The following CCSER1 variants were observed in gnomAD, a reference collection of about 807,000 sequenced individuals.
The protein encoded by CCSER1 is serine-rich coiled-coil domain-containing protein 1.
In CCSER1, 41 loss-of-function variants were observed where a neutral mutation model predicts 82.0. The ratio of observed to expected loss-of-function variants is 0.50; its 90% CI spans 0.39 to 0.65. The LOEUF (loss-of-function observed/expected upper bound fraction) is 0.65, where lower values mean the gene tolerates loss of function less well. Among genes scored for constraint, CCSER1 ranks in the 30% least tolerant of loss-of-function variants. The pLI is 0.00. For synonymous variants in CCSER1, 414 were observed against 383.9 expected, an observed-to-expected ratio of 1.08 and a Z score of -0.92; for missense variants, 1,119 against 1,064.2, an observed-to-expected ratio of 1.05 and a Z score of -0.72.
chr4:91,341,863 G>A (rs1578225527), intron 10 of CCSER1, among the ~76,000 whole-genome samples: 1 of 152,088 alleles, frequency 6.6e-6, no homozygotes, highest in African/African-American at 2.4e-5. Context: ...GTTATTTAGT[G>A]CATTTCTTTT....
intron 1 of CCSER1, among the ~76,000 whole-genome samples, chr4:90,195,344 G>A (rs1736408443): frequency 6.6e-6 from 1 of 151,998 alleles, no homozygotes; most frequent in Admixed American, 6.6e-5. Flanking sequence ...AGTGAAAAAA[G>A]CTAATCTGGA....
At chr4:91,364,132 CTATTAG>C (rs1462397141) in intron 10 of CCSER1, among the ~76,000 whole-genome samples, 2 of 152,024 alleles carry the variant, frequency 1.3e-5, no homozygotes, top group African/African-American at 4.8e-5. Flanking sequence ...GGCAAAACAG[CTATTAG>C]TATTAAGTCT....
intron 10 of CCSER1, among the ~76,000 whole-genome samples, chr4:91,169,315 A>G (rs1388083856): frequency 1.3e-5 from 2 of 151,262 alleles, no homozygotes; most frequent in Non-Finnish European, 2.9e-5. Context: ...TGCTTTATAT[A>G]TTTTGAAGAC....
intron 1 of CCSER1, among the ~76,000 whole-genome samples, chr4:90,159,455 A>G (rs1729009754): frequency 6.6e-6 from 1 of 152,208 alleles, no homozygotes; most frequent in Admixed American, 6.5e-5. Context: ...GAATAGAAGC[A>G]GTCTGTGAAT....
At chr4:91,027,380 T>C (rs1740581696) in intron 9 of CCSER1, among the ~76,000 whole-genome samples, 1 of 152,002 alleles carries the variant, frequency 6.6e-6, no homozygotes, top group African/African-American at 2.4e-5. Context: ...TTTTTTACTT[T>C]TTTCATTAAG....
chr4:90,496,388 G>T (rs1769004587), intron 5 of CCSER1, among the ~76,000 whole-genome samples: 1 of 152,104 alleles, frequency 6.6e-6, no homozygotes, highest in Non-Finnish European at 1.5e-5. Context: ...AATACATTCA[G>T]TATGGAGATT....
intron 10 of CCSER1, among the ~76,000 whole-genome samples, chr4:91,335,465 T>C (rs561212318): frequency 4.6e-5 from 7 of 152,250 alleles, no homozygotes; most frequent in Admixed American, 2.0e-4. Flanking sequence ...CTGAGCTTTT[T>C]CTCAATGACA....
chr4:90,966,665 T>G lies in CCSER1; in HGVS notation c.2172+43218T>G, dbSNP rs560016534. ...ATCCGTGGAAGGGATAAAGAGCAAC[T>G]GTATAACTACACAGGAAAATATGAA... On this transcript the variant is annotated intron_variant, in intron 9 of 10. Coordinates refer to ENST00000509176, the MANE Select transcript of CCSER1 (RefSeq NM_001145065.2). Among the ~76,000 whole-genome samples the G allele has an allele frequency of 3.8e-4, 58 of 152,164 alleles. 1 individual carries two copies. Among genetic ancestry groups the G allele is most frequent in the African/African-American group, 1.2e-3 (50 of 41,398 alleles).
chr4:90,942,354 A>G (rs1175190737), intron 9 of CCSER1, among the ~76,000 whole-genome samples: 4 of 152,140 alleles, frequency 2.6e-5, no homozygotes, highest in African/African-American at 9.7e-5. Flanking sequence ...AAAATATGTA[A>G]GCATATTATT....
chr4:90,667,495 C>T (rs1255968828), intron 6 of CCSER1, among the ~76,000 whole-genome samples: 2 of 152,096 alleles, frequency 1.3e-5, no homozygotes, highest in African/African-American at 4.8e-5. Context: ...CCTCCCCAGC[C>T]CCCCACTCCC....
intron 5 of CCSER1, among the ~76,000 whole-genome samples, chr4:90,621,122 A>T (rs573469295): frequency 5.3e-5 from 8 of 152,282 alleles, no homozygotes; most frequent in African/African-American, 1.9e-4. Flanking sequence ...CCCGGCCACC[A>T]GTGTTTTTTA....
intron 10 of CCSER1, among the ~76,000 whole-genome samples, chr4:91,174,451 A>G (rs995068160): frequency 6.6e-6 from 1 of 152,154 alleles, no homozygotes; most frequent in African/African-American, 2.4e-5. Context: ...TATAAATTTT[A>G]ATTTTTATTT....
intron 9 of CCSER1, among the ~76,000 whole-genome samples, chr4:91,072,188 T>C (rs572525609): frequency 6.6e-6 from 1 of 152,272 alleles, no homozygotes; most frequent in African/African-American, 2.4e-5. Flanking sequence ...CTGGGGGGCA[T>C]GGAAGTGCTA....
intron 1 of CCSER1, among the ~76,000 whole-genome samples, chr4:90,163,016 G>A (rs977959793): frequency 6.6e-6 from 1 of 152,004 alleles, no homozygotes; most frequent in African/African-American, 2.4e-5. Flanking sequence ...TTTTATTCCT[G>A]TGTTTGTTTC....
intron 8 of CCSER1, among the ~76,000 whole-genome samples, chr4:90,831,448 T>C (rs1025636921): frequency 6.6e-6 from 1 of 152,198 alleles, no homozygotes; most frequent in Admixed American, 6.5e-5. Flanking sequence ...CTCTGAACTT[T>C]GCCACAAAAG....
chr4:90,478,718 ACTTTCTTT>A (rs1043792834), intron 5 of CCSER1, among the ~76,000 whole-genome samples: 5 of 149,804 alleles, frequency 3.3e-5, no homozygotes, highest in Non-Finnish European at 7.4e-5. Context: ...AATAAATTGT[ACTTTCTTT>A]CTTTCTTTTT....
rs1764709541 is a variant in CCSER1 at position 91,598,936 on chromosome 4, G to C, written c.2582G>C (p.Gly861Ala). Reference sequence around the variant, plus strand: ...GCCCGACAGCATTCGACCTTTACAGGCAGGTTTGGACAGCCACCCAGAGGG... The same window carrying C: ...GCCCGACAGCATTCGACCTTTACAGCCAGGTTTGGACAGCCACCCAGAGGG... ...ATARQHSTFT[G>A]RFGQPPRGPI... Residue 861 changes from glycine to alanine, a missense_variant, in exon 11 of 11, where the codon GGC (glycine) becomes GCC (alanine). Physicochemically the swap from Gly to Ala is moderately conservative, Grantham distance 60 (BLOSUM62 0). Transcript: ENST00000509176. 6.4e-7 allele frequency: 1 copy of C among 1,551,398 alleles called. No homozygotes were observed. The highest frequency in any genetic ancestry group is 1.4e-5 in the African/African-American group (1 of 73,022).
chr4:91,247,477 A>G (rs925708534), intron 10 of CCSER1, among the ~76,000 whole-genome samples: 10 of 152,228 alleles, frequency 6.6e-5, no homozygotes, highest in African/African-American at 2.2e-4. Flanking sequence ...AGACACACAT[A>G]TATTTCCTCG....
At chr4:90,372,482 G>A (rs1431587925) in intron 3 of CCSER1, among the ~76,000 whole-genome samples, 3 of 152,098 alleles carry the variant, frequency 2.0e-5, no homozygotes, top group African/African-American at 7.2e-5. Context: ...GGGGCTGGGC[G>A]CTCAGGCCTG....
Sources: allele counts gnomAD v4.1 joint callset (sites outside exome capture counted in the v4.1 genomes callset), GRCh38; gene constraint gnomAD v4.1.1; transcripts MANE v1.5; gene names NCBI Gene and HGNC (gene_info 2026-07-23, HGNC 2026-07-21).